UBE2E2: variants seen among roughly 807,000 people sequenced by gnomAD.
The protein encoded by UBE2E2 is ubiquitin conjugating enzyme E2 E2, also known as ubiquitin-conjugating enzyme E2 E2.
Under a neutral mutation model 24.7 loss-of-function variants are expected in UBE2E2, and 6 were observed. That is an observed-to-expected ratio of 0.24 (90% CI 0.13 to 0.48). The LOEUF is 0.48. Among genes scored for constraint, UBE2E2 ranks in the 20% least tolerant of loss-of-function variants. The pLI, the probability that UBE2E2 is intolerant of heterozygous loss-of-function variation, is 0.99. For missense variants in UBE2E2, 169 were observed against 245.0 expected (o/e 0.69, Z 2.07); for synonymous variants, 104 against 83.6 (o/e 1.24, Z -1.33).
At chr3:23,471,748 C>T (rs1699035940) in intron 3 of UBE2E2, among the ~76,000 whole-genome samples, 1 of 152,042 alleles carries the variant, frequency 6.6e-6, no homozygotes, top group African/African-American at 2.4e-5. Flanking sequence ...TTAAGCAGTA[C>T]AGGACAAAAG....
chr3:23,563,993 G>GA (rs1559423292), intron 5 of UBE2E2, among the ~76,000 whole-genome samples: 1 of 107,392 alleles, frequency 9.3e-6, no homozygotes, highest in African/African-American at 4.0e-5. Flanking sequence ...GAAAGAAAAA[G>GA]AAAAGAAAAG....
At chr3:23,342,759 AGGTGAATTTGAT>A (rs1695432142) in intron 3 of UBE2E2, among the ~76,000 whole-genome samples, 6 of 152,356 alleles carry the variant, frequency 3.9e-5, no homozygotes, top group South Asian at 2.1e-4. Flanking sequence ...TGCGTTGATC[AGGTGAATTTGAT>A]AGAAATGGGA....
chr3:23,469,252 C>T (rs1698984220), intron 3 of UBE2E2, among the ~76,000 whole-genome samples: 1 of 152,148 alleles, frequency 6.6e-6, no homozygotes, highest in South Asian at 2.1e-4. Flanking sequence ...AGGATTTAAA[C>T]ATATCAATTT....
At chr3:23,405,776 G>A (rs1277290462) in intron 3 of UBE2E2, among the ~76,000 whole-genome samples, 1 of 152,096 alleles carries the variant, frequency 6.6e-6, no homozygotes, top group Admixed American at 6.6e-5. Flanking sequence ...GGATAATAAA[G>A]GTTAATATTA....
chr3:23,373,529 C>A (rs1331593937), intron 3 of UBE2E2, among the ~76,000 whole-genome samples: 1 of 152,108 alleles, frequency 6.6e-6, no homozygotes, highest in African/African-American at 2.4e-5. Flanking sequence ...GAAAACACTT[C>A]CAGTTAAGTT....
At chr3:23,539,005 A>G (rs1695328506) in intron 5 of UBE2E2, among the ~76,000 whole-genome samples, 1 of 152,066 alleles carries the variant, frequency 6.6e-6, no homozygotes, top group Non-Finnish European at 1.5e-5. Flanking sequence ...ACTGAATGAG[A>G]AAGGAAAGCC....
At chr3:23,304,389 T>C (rs1699186655) in intron 3 of UBE2E2, among the ~76,000 whole-genome samples, 1 of 152,214 alleles carries the variant, frequency 6.6e-6, no homozygotes, top group Non-Finnish European at 1.5e-5. Flanking sequence ...TATCTGTGAA[T>C]ATTTGTTGTG....
intron 2 of UBE2E2, among the ~76,000 whole-genome samples, chr3:23,211,693 G>A (rs1410636820): frequency 6.6e-6 from 1 of 152,118 alleles, no homozygotes; most frequent in African/African-American, 2.4e-5. Context: ...ACTGTGCCTA[G>A]CCTCTGTGAT....
chr3:23,236,171 C>T (rs1697102988), intron 3 of UBE2E2, among the ~76,000 whole-genome samples: 1 of 151,814 alleles, frequency 6.6e-6, no homozygotes, highest in South Asian at 2.1e-4. Context: ...AAAGAGAGTC[C>T]CCTGTTCTTA....
chr3:23,304,819 CG>C (rs1296299399), intron 3 of UBE2E2, among the ~76,000 whole-genome samples: 2 of 151,892 alleles, frequency 1.3e-5, no homozygotes, highest in Non-Finnish European at 2.9e-5. Flanking sequence ...GCCTTAATAC[CG>C]GGTATGCATA....
chr3:23,210,740 G>A lies in UBE2E2; in HGVS notation c.176+1865G>A, dbSNP rs539223030. ...GGTTGTATTGCATTGGTGAAAATAG[G>A]AAGTCTCTTTTGAGTTGCTTCCTGG... On this transcript the variant is annotated intron_variant, in intron 2 of 5. Transcript: ENST00000396703. Among the ~76,000 whole-genome samples, 8 of 152,292 alleles carry A rather than the reference G, an allele frequency of 5.3e-5. No individual in the cohort carries two copies. In the East Asian group the frequency reaches 1.5e-3, roughly 29 times the overall value.
intron 3 of UBE2E2, chr3:23,270,856 A>G (rs1698221482): frequency 2.2e-6 from 1 of 453,468 alleles, no homozygotes; most frequent in South Asian, 1.6e-5. Flanking sequence ...AGGGAAATCT[A>G]GTGTTTAATT....
chr3:23,356,079 T>G (rs182332044), intron 3 of UBE2E2, among the ~76,000 whole-genome samples: 3 of 152,184 alleles, frequency 2.0e-5, no homozygotes, highest in Non-Finnish European at 4.4e-5. Context: ...AAGAAGAGGA[T>G]GCACTGAGTA....
At chr3:23,499,454 A>G (rs773629717) in intron 3 of UBE2E2, among the ~76,000 whole-genome samples, 154 bp from the exon 4 acceptor site, 1 of 152,238 alleles carries the variant, frequency 6.6e-6, no homozygotes, top group African/African-American at 2.4e-5. Flanking sequence ...TAGGATAATG[A>G]CAATATTGGC....
chr3:23,573,250 A>G (rs1281346934), intron 5 of UBE2E2, among the ~76,000 whole-genome samples: 1 of 152,214 alleles, frequency 6.6e-6, no homozygotes, highest in Non-Finnish European at 1.5e-5. Flanking sequence ...GTTACTGTAA[A>G]TATAGGAGAA....
chr3:23,343,244 A>T (rs1016089457), intron 3 of UBE2E2, among the ~76,000 whole-genome samples: 5 of 152,104 alleles, frequency 3.3e-5, no homozygotes, highest in African/African-American at 1.2e-4. Context: ...GGAAAAAAAA[A>T]AGCAAGACGC....
intron 3 of UBE2E2, among the ~76,000 whole-genome samples, chr3:23,325,831 C>A (rs916722358): frequency 1.2e-4 from 19 of 152,338 alleles, no homozygotes; most frequent in African/African-American, 4.1e-4. Context: ...ATCCTAACTT[C>A]TCTTATCCTG....
intron 5 of UBE2E2, among the ~76,000 whole-genome samples, chr3:23,541,681 G>A (rs1164085900): frequency 6.6e-6 from 1 of 151,144 alleles, no homozygotes; most frequent in Non-Finnish European, 1.5e-5. Context: ...TTTGGAAAAT[G>A]CAATGGTTCT....
chr3:23,494,625 C>T (rs1699567428), intron 3 of UBE2E2, among the ~76,000 whole-genome samples: 1 of 152,128 alleles, frequency 6.6e-6, no homozygotes, highest in Non-Finnish European at 1.5e-5. Flanking sequence ...AGAACCACTG[C>T]TGTAAGCTTT....
Sources: allele counts gnomAD v4.1 joint callset (sites outside exome capture counted in the v4.1 genomes callset), GRCh38; gene constraint gnomAD v4.1.1; transcripts MANE v1.5; gene names NCBI Gene and HGNC (gene_info 2026-07-23, HGNC 2026-07-21).